Variants in MTRF1 observed in about 807,000 individuals in gnomAD.
The protein encoded by MTRF1 is mitochondrial translation release factor 1.
Under a neutral mutation model 62.9 loss-of-function variants are expected in MTRF1, and 51 were observed. That is an observed-to-expected ratio of 0.81 (90% CI 0.65 to 1.02). MTRF1 has a LOEUF of 1.02. Among genes scored for constraint, MTRF1 ranks in the 50% least tolerant of loss-of-function variants. MTRF1 has a pLI of 0.00. For missense variants in MTRF1, 446 were observed against 530.0 expected (o/e 0.84, Z 1.56); for synonymous variants, 158 against 181.9 (o/e 0.87, Z 1.06).
the MTRF1 span, among the ~76,000 whole-genome samples, chr13:41,305,243 A>C: frequency 2.0e-4 from 31 of 152,188 alleles, no homozygotes; most frequent in African/African-American, 7.0e-4. Context: ...TTTTTTGTAG[A>C]GACGGGGTCT....
intron 5 of MTRF1, 63 bp from the exon 6 acceptor site, chr13:41,240,496 A>G: frequency 1.3e-6 from 2 of 1,487,188 alleles, no homozygotes; most frequent in Non-Finnish European, 1.8e-6. Context: ...AGGATCCTAA[A>G]TGTCCTTAAT....
intron 3 of MTRF1, among the ~76,000 whole-genome samples, 181 bp downstream of exon 3, chr13:41,254,348 G>A (rs1044494773): frequency 3.3e-5 from 5 of 151,124 alleles, no homozygotes; most frequent in African/African-American, 1.2e-4. Context: ...TTTATTATTT[G>A]ACATCGTAAT....
the MTRF1 span, among the ~76,000 whole-genome samples, chr13:41,297,446 A>C: frequency 2.0e-5 from 3 of 152,226 alleles, 1 homozygote; most frequent in Admixed American, 2.0e-4. Context: ...CCAAAACTGC[A>C]GCTTTTGCCA....
chr13:41,234,064 G>C, intron 6 of MTRF1, 57 bp from the exon 7 acceptor site: 3 of 1,293,414 alleles, frequency 2.3e-6, no homozygotes, highest in Non-Finnish European at 3.4e-6. Flanking sequence ...ATATAAAATC[G>C]ATTCCAAGAT....
At chr13:41,259,279 C>G (rs1036475953) in intron 2 of MTRF1, among the ~76,000 whole-genome samples, 10 of 152,080 alleles carry the variant, frequency 6.6e-5, no homozygotes, top group Non-Finnish European at 1.5e-5. Context: ...AACTTGTACA[C>G]AAAAGTTCAC....
the MTRF1 span, among the ~76,000 whole-genome samples, chr13:41,292,642 A>G: frequency 1.3e-5 from 2 of 152,006 alleles, no homozygotes; most frequent in African/African-American, 4.8e-5. Context: ...GAAGGGTAAA[A>G]TTGATTTTAC....
intron 5 of MTRF1, among the ~76,000 whole-genome samples, chr13:41,241,466 C>T (rs376928193): frequency 6.6e-6 from 1 of 152,120 alleles, no homozygotes; most frequent in Non-Finnish European, 1.5e-5. Context: ...AGAAAAAGAA[C>T]GGTGCTAGTC....
chr13:41,306,099 C>A, the MTRF1 span, among the ~76,000 whole-genome samples: 1 of 152,070 alleles, frequency 6.6e-6, no homozygotes, highest in South Asian at 2.1e-4. Flanking sequence ...GAAAAAAGAG[C>A]CGGCTGGGCG....
intron 5 of MTRF1, among the ~76,000 whole-genome samples, chr13:41,246,024 A>C (rs2038202263): frequency 7.1e-6 from 1 of 141,826 alleles, no homozygotes; most frequent in African/African-American, 2.6e-5. Flanking sequence ...GGCCTCTTTA[A>C]ATCTCCTTAC....
At chr13:41,250,866 A>G (rs1401107404) in intron 5 of MTRF1, among the ~76,000 whole-genome samples, 2 of 152,218 alleles carry the variant, frequency 1.3e-5, no homozygotes, top group Non-Finnish European at 2.9e-5. Flanking sequence ...CTGCCTTCCA[A>G]CTTCTATTCC....
Position 41,224,468 on chromosome 13 carries a change from A to G in MTRF1, c.1126-1114T>C, listed in dbSNP as rs1029312642. Among the ~76,000 whole-genome samples, 35 of 152,252 alleles carry G rather than the reference A, an allele frequency of 2.3e-4. 1 individual carries two copies. The highest frequency in any genetic ancestry group is 1.5e-5 in the Non-Finnish European group (1 of 68,042). ...TGAAACTAAACTCCTGACCATTAGA[A>G]GAATTTTTTTAAATTATGGATTCCT... On this transcript the variant is annotated intron_variant, in intron 8 of 9. Coordinates refer to ENST00000379480, the MANE Select transcript of MTRF1 (RefSeq NM_004294.4).
chr13:41,259,736 AT>A (rs759586521), intron 2 of MTRF1, among the ~76,000 whole-genome samples: 3,171 of 149,768 alleles, frequency 0.021, 68 homozygotes, highest in Non-Finnish European at 0.04. Flanking sequence ...AAAATAAAAA[AT>A]AAAAGCTTCC....
chr13:41,311,251 C>T, the MTRF1 span: 3 of 526,926 alleles, frequency 5.7e-6, no homozygotes, highest in South Asian at 5.0e-5. Context: ...GGGAGGCGGA[C>T]CCTGGCTGCC....
the MTRF1 span, among the ~76,000 whole-genome samples, chr13:41,301,873 G>C: frequency 6.6e-6 from 1 of 152,170 alleles, no homozygotes; most frequent in Non-Finnish European, 1.5e-5. Context: ...TGAAAAGTCT[G>C]TCTGGGTGTG....
intron 6 of MTRF1, among the ~76,000 whole-genome samples, chr13:41,240,026 G>A (rs1303840751): frequency 2.6e-5 from 4 of 152,100 alleles, no homozygotes. Context: ...AGCCAGGCAT[G>A]GTGGCGTGTA....
At chr13:41,258,585 A>C (rs1173614739) in intron 2 of MTRF1, among the ~76,000 whole-genome samples, 1 of 151,408 alleles carries the variant, frequency 6.6e-6, no homozygotes, top group Non-Finnish European at 1.5e-5. Flanking sequence ...CAAAAAAAAA[A>C]AACATAAAAA....
intron 5 of MTRF1, among the ~76,000 whole-genome samples, chr13:41,242,217 T>C (rs1223465125): frequency 1.3e-5 from 2 of 152,182 alleles, no homozygotes; most frequent in African/African-American, 2.4e-5. Flanking sequence ...AACTCAAGGA[T>C]TGAAACACAT....
chr13:41,246,721 G>C (rs1011539948), intron 5 of MTRF1, among the ~76,000 whole-genome samples: 2 of 152,168 alleles, frequency 1.3e-5, no homozygotes, highest in Non-Finnish European at 2.9e-5. Flanking sequence ...AAAACAGAGT[G>C]ATGCCACAAA....
the MTRF1 span, among the ~76,000 whole-genome samples, chr13:41,306,594 A>G: frequency 6.6e-6 from 1 of 152,230 alleles, no homozygotes; most frequent in Non-Finnish European, 1.5e-5. Context: ...TATGGGGTGG[A>G]GAAAATCCTT....
Sources: gnomAD v4.1 joint callset for allele counts (sites outside exome capture counted in the v4.1 genomes callset) on GRCh38, gnomAD v4.1.1 for gene constraint, MANE v1.5 for transcripts, NCBI Gene and HGNC (gene_info 2026-07-23, HGNC 2026-07-21) for gene names.